The following HACD2 variants were observed in gnomAD, a reference collection of about 807,000 sequenced individuals.
HACD2 encodes very-long-chain (3R)-3-hydroxyacyl-CoA dehydratase 2.
Under a neutral mutation model 31.0 loss-of-function variants are expected in HACD2, and 15 were observed. The ratio of observed to expected loss-of-function variants is 0.48; its 90% confidence interval spans 0.32 to 0.75. The LOEUF (loss-of-function observed/expected upper bound fraction) is 0.75, where lower values mean the gene tolerates loss of function less well. Among genes scored for constraint, HACD2 ranks in the 30% least tolerant of loss-of-function variants. The pLI, the probability that HACD2 is intolerant of heterozygous loss-of-function variation, is 0.03. For synonymous variants in HACD2, 115 were observed against 122.2 expected (o/e 0.94, Z 0.39); for missense variants, 283 against 313.0 (o/e 0.90, Z 0.72).
chr3:123,548,250 T>C (rs7613918), intron 3 of HACD2, among the ~76,000 whole-genome samples: 49,553 of 151,714 alleles, frequency 0.33, 9,161 homozygotes, highest in African/African-American at 0.49. Flanking sequence ...GATCATAAAA[T>C]GCACTGCAGC....
chr3:123,502,216 C>T (rs1437264430), intron 5 of HACD2, among the ~76,000 whole-genome samples: 1 of 152,090 alleles, frequency 6.6e-6, no homozygotes, highest in Non-Finnish European at 1.5e-5. Flanking sequence ...AGAAGCTCAT[C>T]AGTAAAATGT....
At chr3:123,551,925 G>A (rs2056624656) in intron 3 of HACD2, among the ~76,000 whole-genome samples, 1 of 152,070 alleles carries the variant, frequency 6.6e-6, no homozygotes, top group Non-Finnish European at 1.5e-5. Context: ...ACAAATACAA[G>A]CATACAAACC....
At chr3:123,508,940 T>C (rs1277459974) in intron 4 of HACD2, among the ~76,000 whole-genome samples, 2 of 152,158 alleles carry the variant, frequency 1.3e-5, no homozygotes, top group Non-Finnish European at 2.9e-5. Flanking sequence ...CATGGTATCT[T>C]TTTTCATAAG....
chr3:123,551,549 G>A (rs1014584186), intron 3 of HACD2, among the ~76,000 whole-genome samples: 2 of 151,882 alleles, frequency 1.3e-5, no homozygotes, highest in South Asian at 2.1e-4. Flanking sequence ...CCTTAAACCC[G>A]GGAGGCAGAA....
intron 2 of HACD2, among the ~76,000 whole-genome samples, chr3:123,578,068 C>G (rs1217541801): frequency 2.6e-5 from 4 of 152,200 alleles, no homozygotes; most frequent in African/African-American, 9.7e-5. Flanking sequence ...AATTCCTCTA[C>G]TTTCTGTCAC....
chr3:123,507,435 GGTAAGAAA>G (rs2055991027), intron 4 of HACD2, among the ~76,000 whole-genome samples: 1 of 152,004 alleles, frequency 6.6e-6, no homozygotes, highest in African/African-American at 2.4e-5. Context: ...GCAACATAAA[GGTAAGAAA>G]TATTGACACA....
At chr3:123,529,672 A>G (rs2056328241) in intron 3 of HACD2, among the ~76,000 whole-genome samples, 1 of 152,208 alleles carries the variant, frequency 6.6e-6, no homozygotes, top group Non-Finnish European at 1.5e-5. Flanking sequence ...GGCTGCAGTG[A>G]GCTGTGATCA....
intron 4 of HACD2, among the ~76,000 whole-genome samples, chr3:123,509,777 G>A (rs2056033055): frequency 6.6e-6 from 1 of 152,072 alleles, no homozygotes; most frequent in Admixed American, 6.6e-5. Flanking sequence ...GGGATTACAG[G>A]TGAGCAACCG....
chr3:123,548,755 T>C (rs750315659), intron 3 of HACD2, among the ~76,000 whole-genome samples: 1 of 151,790 alleles, frequency 6.6e-6, no homozygotes, highest in South Asian at 2.1e-4. Context: ...TCTGAGTAGC[T>C]GGAACCACAG....
At chr3:123,517,513 T>G (rs1484493657) in intron 4 of HACD2, among the ~76,000 whole-genome samples, 1 of 152,166 alleles carries the variant, frequency 6.6e-6, no homozygotes, top group Non-Finnish European at 1.5e-5. Context: ...GAAGTGATAG[T>G]CCTTTAACTC....
chr3:123,499,464 A>G, intron 6 of HACD2: 1 of 362,488 alleles, frequency 2.8e-6, no homozygotes, highest in Non-Finnish European at 5.5e-6. Flanking sequence ...ATGAAGCAGA[A>G]CTGTATCCAA....
chr3:123,517,994 C>CTT lies in HACD2; in HGVS notation c.381+10391_381+10392insAA, dbSNP rs1275770931. On this transcript the variant is annotated intron_variant, in intron 4 of 6. Coordinates refer to ENST00000383657, the MANE Select transcript of HACD2 (RefSeq NM_198402.5). ...GATCACGAGGTCAGGAGATCGAGAC[C>CTT]ATCCCGGCTAAAACGGTGAAACCCC... Among the ~76,000 whole-genome samples the CTT allele has an allele frequency of 5.2e-4, 7 of 13,514 alleles. 3 individuals carry two copies. Among genetic ancestry groups the CTT allele is most frequent in the East Asian group, 1 (2 of 2 alleles). The allele number at this position is 13,514 out of a possible 152,430, so 8.9% of individuals were successfully genotyped here. A position where few individuals can be genotyped will look rare whatever the true frequency, so the allele number is the denominator to read the frequency against.
At chr3:123,561,685 G>GTTC in intron 3 of HACD2, among the ~76,000 whole-genome samples, 1 of 151,450 alleles carries the variant, frequency 6.6e-6, no homozygotes, top group Middle Eastern at 3.4e-3. Flanking sequence ...TCTTGAAGAC[G>GTTC]ACACAGAAAA....
intron 5 of HACD2, among the ~76,000 whole-genome samples, chr3:123,500,914 T>C (rs1401270161): frequency 6.6e-6 from 1 of 152,220 alleles, no homozygotes; most frequent in Non-Finnish European, 1.5e-5. Context: ...TAAAGGCCGT[T>C]CAGGCAGCCT....
At chr3:123,577,348 G>A (rs1157008582) in intron 2 of HACD2, among the ~76,000 whole-genome samples, 1 of 152,038 alleles carries the variant, frequency 6.6e-6, no homozygotes, top group Non-Finnish European at 1.5e-5. Flanking sequence ...TTGGCCGGGC[G>A]CAGTGGCTCA....
intron 2 of HACD2, among the ~76,000 whole-genome samples, chr3:123,580,499 G>C (rs947847389): frequency 6.6e-6 from 1 of 151,886 alleles, no homozygotes. Context: ...TAAAGTGAGA[G>C]TGGGCTGGGT....
intron 4 of HACD2, among the ~76,000 whole-genome samples, chr3:123,518,997 A>C (rs74948294): frequency 1.0e-5 from 1 of 99,854 alleles, no homozygotes; most frequent in African/African-American, 5.2e-5. Context: ...ACTCCAACTA[A>C]AAAAAAAAAA....
At chr3:123,553,789 T>C (rs1193742291) in intron 3 of HACD2, among the ~76,000 whole-genome samples, 1 of 152,088 alleles carries the variant, frequency 6.6e-6, no homozygotes, top group Non-Finnish European at 1.5e-5. Context: ...GTTTTTCCCA[T>C]GAGTAATATG....
At chr3:123,526,185 G>A (rs902332003) in intron 4 of HACD2, among the ~76,000 whole-genome samples, 7 of 149,344 alleles carry the variant, frequency 4.7e-5, no homozygotes, top group African/African-American at 1.7e-4. Flanking sequence ...ACAGCAACAG[G>A]CTTTTCAAGG....
Sources: gnomAD v4.1 joint callset for allele counts (sites outside exome capture counted in the v4.1 genomes callset) on GRCh38, gnomAD v4.1.1 for gene constraint, MANE v1.5 for transcripts, NCBI Gene and HGNC (gene_info 2026-07-23, HGNC 2026-07-21) for gene names.